IL1RAPL1: variants seen among roughly 807,000 people sequenced by gnomAD.
IL1RAPL1 encodes interleukin-1 receptor accessory protein-like 1.
Under a neutral mutation model 48.4 loss-of-function variants are expected in IL1RAPL1, and 3 were observed. The ratio of observed to expected loss-of-function variants is 0.06; its 90% CI spans 0.03 to 0.16. The LOEUF (loss-of-function observed/expected upper bound fraction) is 0.16. Ranked by LOEUF, IL1RAPL1 falls within the 10% of genes least tolerant of loss-of-function variation. IL1RAPL1 has a pLI of 1.00. For missense variants in IL1RAPL1, 349 were observed against 530.6 expected (o/e 0.66, Z 3.36); for synonymous variants, 185 against 187.7 (o/e 0.99, Z 0.12).
intron 1 of IL1RAPL1, among the ~76,000 whole-genome samples, chrX:28,752,267 C>G (rs1009660431): frequency 9.9e-5 from 11 of 111,454 alleles, no homozygotes; most frequent in African/African-American, 3.3e-4. Flanking sequence ...AGCAAAGATT[C>G]TTCCCCAGCT....
intron 6 of IL1RAPL1, among the ~76,000 whole-genome samples, chrX:29,730,952 T>A (rs1927901032): frequency 1.8e-5 from 2 of 112,232 alleles, no homozygotes; most frequent in South Asian, 3.7e-4. Context: ...CATCAGCATA[T>A]CCTGAGTGTT....
At chrX:29,340,290 A>G (rs1394100474) in intron 3 of IL1RAPL1, among the ~76,000 whole-genome samples, 2 of 111,147 alleles carry the variant, frequency 1.8e-5, no homozygotes, top group Non-Finnish European at 3.8e-5. Context: ...ATTTTCATCT[A>G]CCCAGGAGAA....
intron 3 of IL1RAPL1, among the ~76,000 whole-genome samples, chrX:29,286,179 T>C (rs1401806166): frequency 3.6e-5 from 4 of 111,769 alleles, no homozygotes; most frequent in Non-Finnish European, 7.5e-5. Flanking sequence ...GAACAAGAAC[T>C]TTCTTATTTC....
intron 3 of IL1RAPL1, among the ~76,000 whole-genome samples, chrX:29,341,906 A>G (rs1002578115): frequency 9.0e-6 from 1 of 110,584 alleles, no homozygotes. Context: ...TCCCGGGTTC[A>G]AGAGATTCTC....
chrX:29,389,503 CTCTTA>C (rs998647846), intron 3 of IL1RAPL1, among the ~76,000 whole-genome samples: 9 of 111,171 alleles, frequency 8.1e-5, no homozygotes, highest in African/African-American at 3.0e-4. Flanking sequence ...CTTCTTCTCC[CTCTTA>C]TCTTTTCCCT....
At chrX:29,493,234 C>G (rs1300893402) in intron 5 of IL1RAPL1, among the ~76,000 whole-genome samples, 1 of 111,772 alleles carries the variant, frequency 8.9e-6, no homozygotes, top group Non-Finnish European at 1.9e-5. Context: ...GTTAAGAGAT[C>G]AAAGTTTTGT....
At chrX:29,598,835 A>G (rs1481243032) in intron 5 of IL1RAPL1, among the ~76,000 whole-genome samples, 1 of 111,830 alleles carries the variant, frequency 8.9e-6, no homozygotes, top group African/African-American at 3.2e-5. Context: ...TGTCTGATAT[A>G]AGAATAGCTA....
At chrX:29,558,851 A>T (rs1037774069) in intron 5 of IL1RAPL1, among the ~76,000 whole-genome samples, 4 of 111,123 alleles carry the variant, frequency 3.6e-5, no homozygotes, top group African/African-American at 1.3e-4. Context: ...AAATATGTGG[A>T]TTTATTGCTG....
intron 1 of IL1RAPL1, among the ~76,000 whole-genome samples, chrX:28,687,830 G>A (rs1338929843): frequency 2.7e-5 from 3 of 109,921 alleles, no homozygotes; most frequent in African/African-American, 9.9e-5. Flanking sequence ...GGGGGTGCGC[G>A]GTGGCTCACG....
intron 7 of IL1RAPL1, among the ~76,000 whole-genome samples, chrX:29,918,144 A>AAAAAAAAAAAAAAAAAATATATATAT (rs1555935868): frequency 8.4e-5 from 2 of 23,767 alleles, no homozygotes; most frequent in African/African-American, 2.4e-4. Context: ...AAAAAAAAAA[A>AAAAAAAAAAAAAAAAAATATATATAT]ATATATATAT....
chrX:29,879,897 T>A, intron 6 of IL1RAPL1, among the ~76,000 whole-genome samples: 1 of 111,271 alleles, frequency 9.0e-6, no homozygotes, highest in East Asian at 2.8e-4. Context: ...AAAAAATAAA[T>A]GAAATTAATA....
chrX:29,368,474 C>T (rs753302643), intron 3 of IL1RAPL1, among the ~76,000 whole-genome samples: 138 of 111,935 alleles, frequency 1.2e-3, no homozygotes, highest in Non-Finnish European at 2.0e-3. Flanking sequence ...CTCCACCTCG[C>T]GGGCTCAAGC....
At chrX:29,290,521 CT>C (rs1932354432) in intron 3 of IL1RAPL1, among the ~76,000 whole-genome samples, 1 of 112,522 alleles carries the variant, frequency 8.9e-6, no homozygotes, top group Non-Finnish European at 1.9e-5. Flanking sequence ...TTTATGTTTA[CT>C]TTCTTTCTAT....
intron 5 of IL1RAPL1, among the ~76,000 whole-genome samples, chrX:29,505,628 T>C (rs12009579): frequency 0.025 from 2,719 of 110,882 alleles, 86 homozygotes; most frequent in African/African-American, 0.085. Flanking sequence ...AACTCCTTTA[T>C]GTGTTATTTG....
chrX:29,399,533 C>CT (rs1933961653), intron 5 of IL1RAPL1, among the ~76,000 whole-genome samples: 1 of 111,630 alleles, frequency 9.0e-6, no homozygotes, highest in Admixed American at 9.5e-5. Context: ...GAAATGTTAA[C>CT]TTTTGGGCCG....
At chrX:29,451,209 A>G (rs1422743569) in intron 5 of IL1RAPL1, among the ~76,000 whole-genome samples, 2 of 101,658 alleles carry the variant, frequency 2.0e-5, no homozygotes, top group East Asian at 3.0e-4. Flanking sequence ...TTTTTTTGAG[A>G]AGGAGTCTTA....
In IL1RAPL1 at chrX:29,639,180, C is replaced by T. The variant is rs1360076423; in HGVS notation, c.704-29250C>T. On this transcript the variant is annotated intron_variant, in intron 5 of 10. Coordinates refer to ENST00000378993, the MANE Select transcript of IL1RAPL1 (RefSeq NM_014271.4). The stretch of plus-strand genomic sequence containing the variant: ...CAGCATGGGCGACAAAGCGAGACTC[C>T]GTCTCAAAAAAAAAAAAAAAACAGG... 5.4e-5 allele frequency among the ~76,000 whole-genome samples: 5 copies of T among 92,204 alleles called. No individual in the cohort carries two copies. In the East Asian group the frequency reaches 1.8e-3, roughly 34 times the overall value. 80.1% of individuals were successfully genotyped at this position (92,204 alleles called of 115,157 possible).
At chrX:29,693,461 G>GA (rs5901928) in intron 6 of IL1RAPL1, among the ~76,000 whole-genome samples, 1 of 111,448 alleles carries the variant, frequency 9.0e-6, no homozygotes, top group Non-Finnish European at 1.9e-5. Context: ...TTTTAGAAGG[G>GA]AAAAAAACTC....
At chrX:29,366,201 C>G (rs964755476) in intron 3 of IL1RAPL1, among the ~76,000 whole-genome samples, 13 of 110,848 alleles carry the variant, frequency 1.2e-4, no homozygotes, top group Non-Finnish European at 3.8e-5. Context: ...ATTATATTAC[C>G]TTAAGTTGGG....
Sources: gnomAD v4.1 joint callset for allele counts (sites outside exome capture counted in the v4.1 genomes callset) on GRCh38, gnomAD v4.1.1 for gene constraint, MANE v1.5 for transcripts, NCBI Gene and HGNC (gene_info 2026-07-23, HGNC 2026-07-21) for gene names.